The following TMEM132D variants were observed in gnomAD, a reference collection of about 807,000 sequenced individuals.
TMEM132D encodes transmembrane protein 132D, also known as mature OL transmembrane protein.
A neutral mutation model predicts 62.3 loss-of-function variants in TMEM132D; 21 were observed. The ratio of observed to expected loss-of-function variants is 0.34; its 90% CI spans 0.24 to 0.49. The LOEUF (loss-of-function observed/expected upper bound fraction) is 0.49, where lower values mean the gene tolerates loss of function less well. Among genes scored for constraint, TMEM132D ranks in the 20% least tolerant of loss-of-function variants. TMEM132D has a pLI of 0.99. For missense variants in TMEM132D, 1,346 were observed against 1,402.8 expected, an observed-to-expected ratio of 0.96 and a Z score of 0.65; for synonymous variants, 621 against 575.6, an observed-to-expected ratio of 1.08 and a Z score of -1.13.
At chr12:129,533,339 ACT>A (rs1876282960) in intron 2 of TMEM132D, among the ~76,000 whole-genome samples, 3 of 152,168 alleles carry the variant, frequency 2.0e-5, no homozygotes, top group African/African-American at 7.2e-5. Context: ...CCTTGCAGAA[ACT>A]CATTTAAATT....
chr12:129,823,811 T>A (rs1408434088), intron 1 of TMEM132D, among the ~76,000 whole-genome samples: 7 of 152,234 alleles, frequency 4.6e-5, no homozygotes, highest in Non-Finnish European at 8.8e-5. Flanking sequence ...AATACCTATC[T>A]TATAGGGCTT....
chr12:129,424,275 A>G (rs1168464728), intron 3 of TMEM132D, among the ~76,000 whole-genome samples: 1 of 152,132 alleles, frequency 6.6e-6, no homozygotes, highest in Admixed American at 6.5e-5. Context: ...TTTCTCAATA[A>G]AGTATTAGTT....
chr12:129,750,087 T>C (rs189776460), intron 1 of TMEM132D, among the ~76,000 whole-genome samples: 1 of 152,092 alleles, frequency 6.6e-6, no homozygotes, highest in Non-Finnish European at 1.5e-5. Context: ...CCCTTTATTT[T>C]TTTATTTATT....
At chr12:129,614,274 C>G (rs933563237) in intron 2 of TMEM132D, among the ~76,000 whole-genome samples, 3 of 152,242 alleles carry the variant, frequency 2.0e-5, no homozygotes, top group Non-Finnish European at 4.4e-5. Context: ...CAAAGAGGGA[C>G]TGATTTTTCT....
At chr12:129,573,486 C>T (rs530469868) in intron 2 of TMEM132D, among the ~76,000 whole-genome samples, 1 of 152,262 alleles carries the variant, frequency 6.6e-6, no homozygotes, top group South Asian at 2.1e-4. Flanking sequence ...CTCACGTGAG[C>T]TCACCCAGTT....
intron 3 of TMEM132D, among the ~76,000 whole-genome samples, chr12:129,444,236 T>C (rs141995127): frequency 2.1e-3 from 319 of 152,200 alleles, no homozygotes; most frequent in African/African-American, 7.3e-3. Flanking sequence ...AAAGCAATTG[T>C]GACAAAAGCA....
intron 3 of TMEM132D, among the ~76,000 whole-genome samples, chr12:129,347,299 C>T (rs1869717343): frequency 6.6e-6 from 1 of 152,174 alleles, no homozygotes; most frequent in Non-Finnish European, 1.5e-5. Context: ...CGCTACCTGA[C>T]TTCAAACAAT....
chr12:129,191,801 T>C (rs1315088931), intron 5 of TMEM132D, among the ~76,000 whole-genome samples: 1 of 151,862 alleles, frequency 6.6e-6, no homozygotes, highest in South Asian at 2.1e-4. Context: ...ACACGAAATA[T>C]CTCCTGTTTT....
At chr12:129,526,602 A>G (rs1372900816) in intron 3 of TMEM132D, among the ~76,000 whole-genome samples, 3 of 152,194 alleles carry the variant, frequency 2.0e-5, no homozygotes, top group Non-Finnish European at 1.5e-5. Flanking sequence ...TTTAGAACAG[A>G]ACACTGATTT....
chr12:129,871,207 T>G (rs1874230041), intron 1 of TMEM132D, among the ~76,000 whole-genome samples: 1 of 152,160 alleles, frequency 6.6e-6, no homozygotes, highest in African/African-American at 2.4e-5. Flanking sequence ...GCGCCCATGC[T>G]CCTTTTCAAA....
chr12:129,318,724 G>C (rs537719023), intron 4 of TMEM132D, among the ~76,000 whole-genome samples: 3 of 152,170 alleles, frequency 2.0e-5, no homozygotes, highest in Admixed American at 6.5e-5. Flanking sequence ...GGATAGGGAA[G>C]GACCATTAGG....
At chr12:129,536,161 CAT>C (rs963903817) in intron 2 of TMEM132D, among the ~76,000 whole-genome samples, 5 of 152,254 alleles carry the variant, frequency 3.3e-5, no homozygotes, top group Admixed American at 2.0e-4. Context: ...ATAGTCTCTG[CAT>C]AGATAAAATC....
intron 2 of TMEM132D, among the ~76,000 whole-genome samples, chr12:129,563,263 C>A (rs949552850): frequency 2.0e-5 from 3 of 152,132 alleles, no homozygotes; most frequent in African/African-American, 4.8e-5. Context: ...TTTCATAAAA[C>A]CTTCAAGATC....
At chr12:129,453,485 G>A (rs1873367934) in intron 3 of TMEM132D, among the ~76,000 whole-genome samples, 1 of 152,178 alleles carries the variant, frequency 6.6e-6, no homozygotes, top group Admixed American at 6.5e-5. Flanking sequence ...GGCTACAAAT[G>A]ATGGAAACCT....
chr12:129,132,673 A>C (rs2135525785), intron 5 of TMEM132D, among the ~76,000 whole-genome samples: 1 of 152,280 alleles, frequency 6.6e-6, no homozygotes, highest in African/African-American at 2.4e-5. Flanking sequence ...AGCTGATGGA[A>C]ATCTTAATTA....
intron 1 of TMEM132D, among the ~76,000 whole-genome samples, chr12:129,850,695 T>A (rs1321357196): frequency 6.6e-6 from 1 of 152,186 alleles, no homozygotes; most frequent in Non-Finnish European, 1.5e-5. Context: ...GTAATTGGCA[T>A]CATTCAATCA....
chr12:129,493,600 A>G (rs758889750), intron 3 of TMEM132D, among the ~76,000 whole-genome samples: 1 of 152,228 alleles, frequency 6.6e-6, no homozygotes, highest in Non-Finnish European at 1.5e-5. Context: ...GTATGCATGT[A>G]TTGATTTTTG....
rs189701967 is a variant in TMEM132D, at chr12:129,363,130, C to T, written c.1116-25313G>A. Among the ~76,000 whole-genome samples, 569 of 152,298 alleles carry T rather than the reference C, an allele frequency of 3.7e-3. 2 individuals are homozygous for T. The highest frequency in any genetic ancestry group is 0.013 in the African/African-American group (523 of 41,562). On this transcript the variant is annotated intron_variant, in intron 3 of 8. Coordinates refer to ENST00000422113, the MANE Select transcript of TMEM132D (RefSeq NM_133448.3). ...CTCTACACTCCATCTAAGCAGAATACGTCACCAGGTCAAAAGAAGGCAGCT... is the reference window on the plus strand; with the variant it reads ...CTCTACACTCCATCTAAGCAGAATATGTCACCAGGTCAAAAGAAGGCAGCT...
At chr12:129,086,197 C>CGTGTGTGT (rs781758085) in intron 5 of TMEM132D, among the ~76,000 whole-genome samples, 1 of 73,508 alleles carries the variant, frequency 1.4e-5, no homozygotes, top group Non-Finnish European at 2.8e-5. Flanking sequence ...TAGTCACGCG[C>CGTGTGTGT]GCGCGTGTGT....
Sources: allele counts gnomAD v4.1 joint callset (sites outside exome capture counted in the v4.1 genomes callset), GRCh38; gene constraint gnomAD v4.1.1; transcripts MANE v1.5; gene names NCBI Gene and HGNC (gene_info 2026-07-23, HGNC 2026-07-21).